Variants in RAP1A observed in about 807,000 individuals in gnomAD.
RAP1A encodes the protein RAP1A, member of RAS oncogene family.
Under a neutral mutation model 26.4 loss-of-function variants are expected in RAP1A, and 6 were observed. The observed-to-expected ratio is 0.23, with a 90% CI of 0.12 to 0.45. The LOEUF is 0.45. Ranked by LOEUF, RAP1A falls within the 20% of genes least tolerant of loss-of-function variation. RAP1A has a pLI of 0.99. For synonymous variants in RAP1A, 73 were observed against 79.4 expected (o/e 0.92, Z 0.43); for missense variants, 121 against 217.2 (o/e 0.56, Z 2.78).
In RAP1A at chr1:111,648,469, C is replaced by T. The variant is rs949261172; in HGVS notation, c.-28+28535C>T. 10 of 549,992 alleles carry T rather than the reference C, an allele frequency of 1.8e-5. 1 individual carries two copies. Among genetic ancestry groups the T allele is most frequent in the South Asian group, 8.3e-5 (5 of 60,426 alleles). The allele number at this position is 549,992 out of a possible 1,614,324, so 34.1% of individuals were successfully genotyped here. On this transcript the variant is annotated intron_variant, in intron 1 of 7. Coordinates refer to ENST00000369709, the MANE Select transcript of RAP1A (RefSeq NM_002884.4). ...TGGCGATCTCAGCCTCTAGTTTGAC[C>T]TTGATATTCAGCAGGGCCTCGTACT...
At chr1:111,698,466 G>T (rs750697383) in intron 4 of RAP1A, among the ~76,000 whole-genome samples, 1 of 152,008 alleles carries the variant, frequency 6.6e-6, no homozygotes, top group South Asian at 2.1e-4. Flanking sequence ...AGGTGGTTTC[G>T]CTGTGTTGCC....
chr1:111,679,136 C>T (rs1349557256), intron 1 of RAP1A, among the ~76,000 whole-genome samples: 1 of 152,162 alleles, frequency 6.6e-6, no homozygotes, highest in African/African-American at 2.4e-5. Context: ...CTGCAGCTCC[C>T]AGAGAGACCA....
chr1:111,584,216 G>C (rs966224900), intron 1 of RAP1A, among the ~76,000 whole-genome samples: 1 of 152,140 alleles, frequency 6.6e-6, no homozygotes, highest in African/African-American at 2.4e-5. Flanking sequence ...GTCATGCATA[G>C]AGAAATGATT....
At chr1:111,700,190 A>G (rs1011097377) in intron 4 of RAP1A, among the ~76,000 whole-genome samples, 1 of 152,162 alleles carries the variant, frequency 6.6e-6, no homozygotes, top group Non-Finnish European at 1.5e-5. Context: ...GTATGCTGAT[A>G]AATACTAACT....
chr1:111,679,272 C>A (rs574752577), intron 1 of RAP1A, among the ~76,000 whole-genome samples: 5 of 152,070 alleles, frequency 3.3e-5, no homozygotes, highest in African/African-American at 1.2e-4. Context: ...TCGCCTCATC[C>A]GGGAAGTGCA....
chr1:111,710,391 T>C (rs1413831435), intron 7 of RAP1A, among the ~76,000 whole-genome samples: 2 of 152,222 alleles, frequency 1.3e-5, no homozygotes, highest in Non-Finnish European at 2.9e-5. Flanking sequence ...TTTTCTTTAA[T>C]TTGTATTGTA....
At chr1:111,672,339 A>C (rs1661000059) in intron 1 of RAP1A, among the ~76,000 whole-genome samples, 1 of 152,088 alleles carries the variant, frequency 6.6e-6, no homozygotes, top group African/African-American at 2.4e-5. Flanking sequence ...ATTTATTTTC[A>C]GTTTGTTGAT....
chr1:111,692,846 G>A (rs1460500955), intron 2 of RAP1A, among the ~76,000 whole-genome samples: 1 of 152,212 alleles, frequency 6.6e-6, no homozygotes, highest in Non-Finnish European at 1.5e-5. Context: ...AATAAGCTAT[G>A]AATAACATCA....
chr1:111,570,363 C>T (rs1658025761), intron 1 of RAP1A, among the ~76,000 whole-genome samples: 1 of 152,178 alleles, frequency 6.6e-6, no homozygotes, highest in Admixed American at 6.5e-5. Context: ...TTGAATAGTG[C>T]ATTTTTTCAT....
chr1:111,609,250 G>C (rs1369017886), intron 1 of RAP1A, among the ~76,000 whole-genome samples: 1 of 152,128 alleles, frequency 6.6e-6, no homozygotes, highest in African/African-American at 2.4e-5. Flanking sequence ...GGCAAGGGAA[G>C]GATTTGAGAA....
intron 1 of RAP1A, among the ~76,000 whole-genome samples, chr1:111,593,332 G>GC (rs1658503393): frequency 6.6e-6 from 1 of 152,230 alleles, no homozygotes; most frequent in Non-Finnish European, 1.5e-5. Context: ...CAATGATATT[G>GC]CTCTAGGGCC....
intron 1 of RAP1A, among the ~76,000 whole-genome samples, chr1:111,572,718 A>G (rs556866061): frequency 6.6e-6 from 1 of 152,310 alleles, no homozygotes; most frequent in African/African-American, 2.4e-5. Context: ...AGGACTGAAG[A>G]GGTTACTGGG....
intron 1 of RAP1A, among the ~76,000 whole-genome samples, chr1:111,663,695 A>G (rs1354399357): frequency 6.6e-6 from 1 of 152,234 alleles, no homozygotes; most frequent in East Asian, 1.9e-4. Context: ...GTGTTAGACG[A>G]CACCTAGCTT....
At chr1:111,704,655 T>C (rs938980810) in intron 6 of RAP1A, among the ~76,000 whole-genome samples, 169 bp downstream of exon 6, 5 of 152,182 alleles carry the variant, frequency 3.3e-5, no homozygotes, top group Admixed American at 3.3e-4. Flanking sequence ...TTGCATAAGG[T>C]CACTTTGATG....
intron 1 of RAP1A, among the ~76,000 whole-genome samples, chr1:111,689,295 T>G (rs1202455521): frequency 6.6e-6 from 1 of 151,818 alleles, no homozygotes; most frequent in Non-Finnish European, 1.5e-5. Flanking sequence ...ATTACACCCC[T>G]AACCCTTCTA....
At chr1:111,582,467 A>G (rs1658276317) in intron 1 of RAP1A, among the ~76,000 whole-genome samples, 1 of 152,154 alleles carries the variant, frequency 6.6e-6, no homozygotes, top group African/African-American at 2.4e-5. Context: ...AGGTGTCTAA[A>G]TATTGGTTTG....
intron 1 of RAP1A, among the ~76,000 whole-genome samples, chr1:111,553,255 A>C (rs1324051328): frequency 6.6e-6 from 1 of 152,254 alleles, no homozygotes; most frequent in Non-Finnish European, 1.5e-5. Context: ...GTATGCACAC[A>C]TTCCATTATA....
rs200445021 is a variant in RAP1A, at chr1:111,652,790, C to CAA, written c.-28+32857_-28+32858insAA. On this transcript the variant is annotated intron_variant, in intron 1 of 7. Transcript: ENST00000369709. ...TGATGAGAATGTAAAATGGTACAGCCACTGTGGAAAACAGTTTGGCAGTTC... is the reference window on the plus strand; with the variant it reads ...TGATGAGAATGTAAAATGGTACAGCCAAACTGTGGAAAACAGTTTGGCAGTTC... 7.8e-3 allele frequency among the ~76,000 whole-genome samples: 1,188 copies of CAA among 152,080 alleles called. 10 individuals carry two copies. Among genetic ancestry groups the CAA allele is most frequent in the Middle Eastern group, 0.024 (7 of 294 alleles).
At chr1:111,686,558 G>C (rs138740187) in intron 1 of RAP1A, 2 of 151,992 alleles carry the variant, frequency 1.3e-5, no homozygotes, top group Non-Finnish European at 2.9e-5. Flanking sequence ...AGTTGTGGTG[G>C]TGCATGTCTG....
Sources: gnomAD v4.1 joint callset for allele counts (sites outside exome capture counted in the v4.1 genomes callset) on GRCh38, gnomAD v4.1.1 for gene constraint, MANE v1.5 for transcripts, NCBI Gene and HGNC (gene_info 2026-07-23, HGNC 2026-07-21) for gene names.